Variants in B3GALT1 observed in about 807,000 individuals in gnomAD.
B3GALT1 encodes UDP-Gal:betaGlcNAc beta 1,3-galactosyltransferase, polypeptide 1.
A neutral mutation model predicts 23.2 loss-of-function variants in B3GALT1; 10 were observed. The observed-to-expected ratio is 0.43, with a 90% CI of 0.27 to 0.73. B3GALT1 has a LOEUF of 0.73. Ranked by LOEUF, B3GALT1 falls within the 30% of genes least tolerant of loss-of-function variation. The pLI is 0.21. For missense variants in B3GALT1, 299 were observed against 405.4 expected, an observed-to-expected ratio of 0.74 and a Z score of 2.25; for synonymous variants, 156 against 141.5, an observed-to-expected ratio of 1.10 and a Z score of -0.73.
rs71940853 is a variant in B3GALT1, at chr2:167,803,081, AACACACACACACACACACAC to A, written c.-351-15570_-351-15551del. Among the ~76,000 whole-genome samples, 345 of 141,482 alleles carry A rather than the reference AACACACACACACACACACAC, an allele frequency of 2.4e-3. 2 individuals are homozygous for A. Among genetic ancestry groups the A allele is most frequent in the African/African-American group, 8.5e-3 (316 of 37,192 alleles). 92.8% of individuals were successfully genotyped at this position (141,482 alleles called of 152,430 possible). A position where few individuals can be genotyped will look rare whatever the true frequency, so the allele number is the denominator to read the frequency against. On this transcript the variant is annotated intron_variant, in intron 3 of 4. Coordinates refer to ENST00000392690, the MANE Select transcript of B3GALT1 (RefSeq NM_020981.4). Reference sequence around the variant, plus strand: ...TGACAATGTTCATTTGACCCTAACAAACACACACACACACACACACACACACACACACACACACACCCCTT... The same window carrying A: ...TGACAATGTTCATTTGACCCTAACAAACACACACACACACACACACCCCTT...
At chr2:167,785,127 A>G (rs13410278) in intron 3 of B3GALT1, among the ~76,000 whole-genome samples, 15,880 of 152,190 alleles carry the variant, frequency 0.1, 1,452 homozygotes, top group African/African-American at 0.24. Context: ...AAGACCTAAC[A>G]TTGCCTTCGG....
chr2:167,767,118 C>A (rs1181309980), intron 3 of B3GALT1, among the ~76,000 whole-genome samples: 1 of 152,256 alleles, frequency 6.6e-6, no homozygotes, highest in East Asian at 1.9e-4. Context: ...GATCTGGGTA[C>A]AACAGTTTTG....
intron 3 of B3GALT1, among the ~76,000 whole-genome samples, chr2:167,655,995 T>G (rs1685949485): frequency 6.6e-6 from 1 of 152,172 alleles, no homozygotes; most frequent in African/African-American, 2.4e-5. Flanking sequence ...CCATACGTTG[T>G]GTCAGCCCCT....
intron 3 of B3GALT1, among the ~76,000 whole-genome samples, chr2:167,803,081 A>AACACACACACACACACAC (rs71940853): frequency 8.5e-5 from 12 of 141,376 alleles, no homozygotes; most frequent in African/African-American, 2.7e-4. Context: ...GACCCTAACA[A>AACACACACACACACACAC]ACACACACAC....
rs959173802 is a variant in B3GALT1, at chr2:167,296,810, G to A, written c.-511+3476G>A. On this transcript the variant is annotated intron_variant, in intron 1 of 4. Coordinates refer to ENST00000392690, the MANE Select transcript of B3GALT1 (RefSeq NM_020981.4). The stretch of plus-strand genomic sequence containing the variant: ...ATCACACAAAGATCCCCACCCTTTT[G>A]CAGTTTATATTCTATTGGGGTGCAA... 3.3e-5 allele frequency among the ~76,000 whole-genome samples: 5 copies of A among 151,998 alleles called. No individual in the cohort carries two copies. The East Asian group carries it at 7.7e-4, about 23-fold the overall frequency.
intron 3 of B3GALT1, among the ~76,000 whole-genome samples, chr2:167,664,891 A>G (rs1453599821): frequency 6.7e-6 from 1 of 149,842 alleles, no homozygotes; most frequent in Non-Finnish European, 1.5e-5. Flanking sequence ...CTAGATATAC[A>G]ATCATGTCGT....
In B3GALT1 at chr2:167,628,382, T is replaced by G. The variant is rs181905927; in HGVS notation, c.-409-18527T>G. 3.8e-4 allele frequency among the ~76,000 whole-genome samples: 58 copies of G among 151,144 alleles called. No homozygotes were observed. In the East Asian group the frequency reaches 5.8e-3, roughly 15 times the overall value. ...TGATTGCATCTACAGTCATTCTTCC[T>G]ATTTCGAAACATGGCTTGTAGTACC... On this transcript the variant is annotated intron_variant, in intron 2 of 4. Coordinates refer to ENST00000392690, the MANE Select transcript of B3GALT1 (RefSeq NM_020981.4).
chr2:167,502,149 T>G (rs1164526204), intron 2 of B3GALT1, among the ~76,000 whole-genome samples: 2 of 152,178 alleles, frequency 1.3e-5, no homozygotes, highest in Admixed American at 1.3e-4. Context: ...AGGGCAGATA[T>G]GCATTAAACA....
At chr2:167,410,555 G>A (rs1698375504) in intron 1 of B3GALT1, among the ~76,000 whole-genome samples, 1 of 150,344 alleles carries the variant, frequency 6.7e-6, no homozygotes, top group South Asian at 2.1e-4. Flanking sequence ...AACACAGGGA[G>A]AGGAATATCA....
At chr2:167,704,037 C>T (rs750401317) in intron 3 of B3GALT1, among the ~76,000 whole-genome samples, 27 of 151,772 alleles carry the variant, frequency 1.8e-4, no homozygotes, top group Admixed American at 5.3e-4. Flanking sequence ...AAAAATTAGC[C>T]GGGTGTGGTA....
chr2:167,778,491 A>G (rs1688199101), intron 3 of B3GALT1, among the ~76,000 whole-genome samples: 1 of 152,212 alleles, frequency 6.6e-6, no homozygotes, highest in Non-Finnish European at 1.5e-5. Context: ...CTATGTAGAA[A>G]TGCAAAGCCA....
chr2:167,486,704 G>A (rs151272821), intron 1 of B3GALT1, among the ~76,000 whole-genome samples: 1 of 152,142 alleles, frequency 6.6e-6, no homozygotes. Flanking sequence ...GTGAAAGAGT[G>A]AGAACAAATT....
intron 2 of B3GALT1, among the ~76,000 whole-genome samples, chr2:167,613,460 T>C (rs150550770): frequency 6.6e-6 from 1 of 151,328 alleles, no homozygotes; most frequent in South Asian, 2.1e-4. Flanking sequence ...ATATTTTATA[T>C]AATATACTAG....
chr2:167,653,043 T>C (rs767689652), intron 3 of B3GALT1, among the ~76,000 whole-genome samples: 4 of 152,204 alleles, frequency 2.6e-5, no homozygotes, highest in Non-Finnish European at 5.9e-5. Context: ...TAAGGATTTG[T>C]GGAGAATACC....
At chr2:167,413,121 G>T (rs1013972185) in intron 1 of B3GALT1, among the ~76,000 whole-genome samples, 2 of 151,998 alleles carry the variant, frequency 1.3e-5, no homozygotes, top group Non-Finnish European at 2.9e-5. Flanking sequence ...TATTCACTTT[G>T]TGAACGTTAA....
intron 4 of B3GALT1, among the ~76,000 whole-genome samples, chr2:167,851,153 C>T (rs1325855944): frequency 4.0e-5 from 6 of 151,412 alleles, no homozygotes; most frequent in African/African-American, 1.5e-4. Flanking sequence ...TTTTGTAATA[C>T]TAAAACAAAA....
At chr2:167,333,294 G>T (rs1697003518) in intron 1 of B3GALT1, among the ~76,000 whole-genome samples, 1 of 152,194 alleles carries the variant, frequency 6.6e-6, no homozygotes, top group South Asian at 2.1e-4. Flanking sequence ...AAGCTCCCTA[G>T]TTTACTTCAT....
At chr2:167,499,986 T>A (rs925829604) in intron 2 of B3GALT1, among the ~76,000 whole-genome samples, 2 of 152,232 alleles carry the variant, frequency 1.3e-5, no homozygotes, top group African/African-American at 4.8e-5. Context: ...ATATGTGTCC[T>A]GTGTGCGTGT....
chr2:167,842,370 ATACT>A (rs1170332857), intron 4 of B3GALT1, among the ~76,000 whole-genome samples: 1 of 152,212 alleles, frequency 6.6e-6, no homozygotes, highest in East Asian at 1.9e-4. Context: ...TTCACATTTC[ATACT>A]TACTTCTATG....
Sources: gnomAD v4.1 joint callset for allele counts (sites outside exome capture counted in the v4.1 genomes callset) on GRCh38, gnomAD v4.1.1 for gene constraint, MANE v1.5 for transcripts, NCBI Gene and HGNC (gene_info 2026-07-23, HGNC 2026-07-21) for gene names.